The following STAG1 variants were observed in gnomAD, a reference collection of about 807,000 sequenced individuals.
STAG1 encodes STAG1 cohesin complex component, also known as cohesin subunit SA-1.
Under a neutral mutation model 170.9 loss-of-function variants are expected in STAG1, and 26 were observed. The ratio of observed to expected loss-of-function variants is 0.15; its 90% CI spans 0.11 to 0.21. The LOEUF (loss-of-function observed/expected upper bound fraction) is 0.21. Among genes scored for constraint, STAG1 ranks in the 10% least tolerant of loss-of-function variants. The pLI is 1.00. For missense variants in STAG1, 964 were observed against 1,509.5 expected, an observed-to-expected ratio of 0.64 and a Z score of 5.99; for synonymous variants, 514 against 497.7, an observed-to-expected ratio of 1.03 and a Z score of -0.44.
At chr3:136,532,016 GAAAT>G (rs1935400979) in intron 6 of STAG1, among the ~76,000 whole-genome samples, 1 of 149,450 alleles carries the variant, frequency 6.7e-6, no homozygotes, top group Admixed American at 6.7e-5. Context: ...CAGCAGAAAA[GAAAT>G]AATACAGATC....
chr3:136,695,668 G>A (rs1942863854), intron 1 of STAG1, among the ~76,000 whole-genome samples: 3 of 151,140 alleles, frequency 2.0e-5, no homozygotes, highest in African/African-American at 7.3e-5. Context: ...TTTAACAGGA[G>A]GGTGAAAGTC....
chr3:136,568,921 ATTTTC>A, intron 4 of STAG1, 60 bp from the exon 5 acceptor site: 1 of 1,285,242 alleles, frequency 7.8e-7, no homozygotes, highest in African/African-American at 1.5e-5. Context: ...TAGCAAATAA[ATTTTC>A]AAAAAAGTTT....
intron 1 of STAG1, among the ~76,000 whole-genome samples, chr3:136,663,963 C>T (rs1941667645): frequency 6.6e-6 from 1 of 152,094 alleles, no homozygotes. Context: ...GCTTAAAATG[C>T]AAAGAGCAGG....
intron 1 of STAG1, among the ~76,000 whole-genome samples, chr3:136,736,194 T>C (rs886879471): frequency 6.6e-6 from 1 of 152,178 alleles, no homozygotes; most frequent in African/African-American, 2.4e-5. Context: ...ACCATCACAA[T>C]TCAGTGAAGT....
chr3:136,637,536 TATCTC>T (rs1940617874), intron 1 of STAG1, among the ~76,000 whole-genome samples: 1 of 152,212 alleles, frequency 6.6e-6, no homozygotes, highest in Non-Finnish European at 1.5e-5. Context: ...ATTTTTAAAA[TATCTC>T]AGTAACATAA....
At chr3:136,584,282 T>A (rs903344652) in intron 4 of STAG1, among the ~76,000 whole-genome samples, 1 of 152,232 alleles carries the variant, frequency 6.6e-6, no homozygotes, top group African/African-American at 2.4e-5. Context: ...AATTCCTCTA[T>A]ACATTCAACC....
chr3:136,571,446 T>C (rs1377790517), intron 4 of STAG1, among the ~76,000 whole-genome samples: 1 of 152,072 alleles, frequency 6.6e-6, no homozygotes, highest in Non-Finnish European at 1.5e-5. Flanking sequence ...TGCATGCCTG[T>C]AGTCCCAGCT....
intron 2 of STAG1, among the ~76,000 whole-genome samples, chr3:136,627,918 T>C (rs908839280): frequency 1.3e-5 from 2 of 152,340 alleles, no homozygotes; most frequent in African/African-American, 2.4e-5. Flanking sequence ...ACAGGTCTCC[T>C]TGTTTCTAGT....
At chr3:136,604,536 C>A in intron 3 of STAG1, 63 bp from the exon 4 acceptor site, 3 of 1,396,798 alleles carry the variant, frequency 2.1e-6, no homozygotes, top group Non-Finnish European at 2.9e-6. Context: ...ATAAAATGAT[C>A]ACTACTATAG....
intron 7 of STAG1, among the ~76,000 whole-genome samples, chr3:136,520,975 A>G (rs1576557793): frequency 6.6e-6 from 1 of 152,178 alleles, no homozygotes; most frequent in African/African-American, 2.4e-5. Context: ...AAGGATGTAC[A>G]TTAGTAACTA....
At chr3:136,459,206 G>A (rs1374061587) in intron 13 of STAG1, among the ~76,000 whole-genome samples, 4 of 144,914 alleles carry the variant, frequency 2.8e-5, no homozygotes, top group Non-Finnish European at 6.0e-5. Context: ...GACAGAGCGA[G>A]ACTCTGTCTT....
Position 136,723,383 on chromosome 3 carries a change from G to A in STAG1, c.-84+28812C>T, listed in dbSNP as rs1457548474. ...GTGAGGAGCACCTCTACCCGGCCGC[G>A]ACCCCGTCTGGGAGGTGAGGAGCGT... On this transcript the variant is annotated intron_variant, in intron 1 of 33. Coordinates refer to ENST00000383202, the MANE Select transcript of STAG1 (RefSeq NM_005862.3). Among the ~76,000 whole-genome samples, 9 of 142,012 alleles carry A rather than the reference G, an allele frequency of 6.3e-5. No individual in the cohort carries two copies. In the East Asian group the frequency reaches 8.8e-4, roughly 14 times the overall value. The allele number at this position is 142,012 out of a possible 152,430, so 93.2% of individuals were successfully genotyped here.
intron 1 of STAG1, among the ~76,000 whole-genome samples, chr3:136,735,061 A>G (rs1370310929): frequency 6.6e-6 from 1 of 151,878 alleles, no homozygotes; most frequent in Non-Finnish European, 1.5e-5. Flanking sequence ...TCCAGTTTCC[A>G]TGGTGGGGCA....
chr3:136,432,505 C>CT (rs1203518221), intron 16 of STAG1, among the ~76,000 whole-genome samples: 25 of 45,780 alleles, frequency 5.5e-4, no homozygotes, highest in Admixed American at 1.6e-3. Context: ...TTTTTGTTTT[C>CT]TTTTTTTTTG....
intron 1 of STAG1, among the ~76,000 whole-genome samples, chr3:136,665,152 A>G (rs1271517401): frequency 1.3e-5 from 2 of 152,256 alleles, no homozygotes; most frequent in African/African-American, 4.8e-5. Flanking sequence ...GTCCATCAAT[A>G]AAGAGCATCA....
rs1188274042 is a variant in STAG1 at position 136,498,229 on chromosome 3, T to C, written c.902+1994A>G. On this transcript the variant is annotated intron_variant, in intron 9 of 33. Coordinates refer to ENST00000383202, the MANE Select transcript of STAG1 (RefSeq NM_005862.3). ...AAAAAATTATATATATATATATATA[T>C]ATATACACATACATATACATACACA... 1.5e-3 allele frequency among the ~76,000 whole-genome samples: 86 copies of C among 57,736 alleles called. 6 individuals carry two copies. The highest frequency in any genetic ancestry group is 3.9e-3 in the African/African-American group (42 of 10,900). The allele number at this position is 57,736 out of a possible 152,430, so 37.9% of individuals were successfully genotyped here.
chr3:136,514,376 C>T (rs1361013930), intron 7 of STAG1, among the ~76,000 whole-genome samples: 1 of 152,140 alleles, frequency 6.6e-6, no homozygotes, highest in Non-Finnish European at 1.5e-5. Context: ...CATCTCACAC[C>T]AGTTAGAATG....
chr3:136,578,581 C>T (rs1937527124), intron 4 of STAG1, among the ~76,000 whole-genome samples: 1 of 152,204 alleles, frequency 6.6e-6, no homozygotes, highest in African/African-American at 2.4e-5. Flanking sequence ...TTAATCCTTT[C>T]CCAAAGGGAC....
At chr3:136,456,008 G>A (rs184341611) in intron 13 of STAG1, among the ~76,000 whole-genome samples, 1 of 152,262 alleles carries the variant, frequency 6.6e-6, no homozygotes, top group Admixed American at 6.5e-5. Flanking sequence ...AGAGGCCAGG[G>A]TTCAAGTTCT....
Sources: gnomAD v4.1 joint callset for allele counts (sites outside exome capture counted in the v4.1 genomes callset) on GRCh38, gnomAD v4.1.1 for gene constraint, MANE v1.5 for transcripts, NCBI Gene and HGNC (gene_info 2026-07-23, HGNC 2026-07-21) for gene names.